OR56A1: variants seen among roughly 807,000 people sequenced by gnomAD.
The protein encoded by OR56A1 is olfactory receptor 56A1.
For missense variants in OR56A1, 360 were observed against 380.9 expected, an observed-to-expected ratio of 0.94 and a Z score of 0.46; for synonymous variants, 174 against 159.1, an observed-to-expected ratio of 1.09 and a Z score of -0.70.
chr11:6,028,307 A>C (rs1245251108), intron 1 of OR56A1, among the ~76,000 whole-genome samples: 1 of 152,000 alleles, frequency 6.6e-6, no homozygotes, highest in Admixed American at 6.6e-5. Context: ...AACTGAAAAA[A>C]AAAAAAGGAA....
At position 6,025,346 on chromosome 11, in the gene OR56A1, T is replaced by C. The variant is rs1034143171; in HGVS notation, c.*1402A>G. 6.6e-5 allele frequency: 10 copies of C among 152,278 alleles called. No homozygotes were observed. Among genetic ancestry groups the C allele is most frequent in the African/African-American group, 2.2e-4 (9 of 41,474 alleles). The allele number at this position is 152,278 out of a possible 1,614,324, so 9.4% of individuals were successfully genotyped here. A position where few individuals can be genotyped will look rare whatever the true frequency, so the allele number is the denominator to read the frequency against. On this transcript the variant is annotated 3_prime_UTR_variant, in exon 2 of 2. Coordinates refer to ENST00000641900, the MANE Select transcript of OR56A1 (RefSeq NM_001388488.1). The stretch of plus-strand genomic sequence containing the variant: ...GGGAGTCAAACCCTTCTTTGCCAGC[T>C]GTCTCTCTCTGAGTTTCTACCTACA...
chr11:6,026,811 C>G lies in OR56A1; in HGVS notation c.882G>C (p.Val294=), dbSNP rs563591322. ...HLIPPALNPI[V]YGVRTKEIKQ... is the part of the protein sequence containing the mutation. ...TTATCTCTTTGGTCCGAACCCCATACACAATAGGGTTCAATGCAGGAGGAA... is the reference window on the plus strand; with the variant it reads ...TTATCTCTTTGGTCCGAACCCCATAGACAATAGGGTTCAATGCAGGAGGAA... The change falls in exon 2 of 2, where the codon GTG becomes GTC. Residue 294 remains valine (V), a synonymous_variant. Coordinates refer to ENST00000641900, the MANE Select transcript of OR56A1 (RefSeq NM_001388488.1). 1.3e-5 allele frequency: 21 copies of G among 1,613,746 alleles called. No individual in the cohort carries two copies. In the East Asian group the frequency reaches 4.2e-4, roughly 33 times the overall value.
At chr11:6,033,135 A>G (rs1403071620), upstream of OR56A1, among the ~76,000 whole-genome samples, 1 of 152,076 alleles carries the variant, frequency 6.6e-6, no homozygotes, top group Non-Finnish European at 1.5e-5. Flanking sequence ...TCAAAGCTCT[A>G]CTGCCTGAAT....
chr11:6,021,060 G>A lies in OR56A1; in HGVS notation c.*5688C>T, dbSNP rs1249299469. The A allele has an allele frequency of 6.6e-6, 1 of 152,006 alleles. No homozygotes were observed. Among genetic ancestry groups the A allele is most frequent in the Non-Finnish European group, 1.5e-5 (1 of 67,950 alleles). 9.4% of individuals were successfully genotyped at this position (152,006 alleles called of 1,614,324 possible). On this transcript the variant is annotated 3_prime_UTR_variant, in exon 2 of 2. Coordinates refer to ENST00000641900, the MANE Select transcript of OR56A1 (RefSeq NM_001388488.1). Reference sequence around the variant, plus strand: ...ACAGCCTTAAAATAAACATCATTAAGTAGAAAAAGAGTGGCATGGAGAAAG... The same window carrying A: ...ACAGCCTTAAAATAAACATCATTAAATAGAAAAAGAGTGGCATGGAGAAAG...
rs1374612013 is a variant in OR56A1, at chr11:6,026,167, T to G, written c.*581A>C. 6.5e-6 allele frequency: 1 copy of G among 152,938 alleles called. No homozygotes were observed. Among genetic ancestry groups the G allele is most frequent in the African/African-American group, 2.4e-5 (1 of 41,454 alleles). The allele number at this position is 152,938 out of a possible 1,614,324, so 9.5% of individuals were successfully genotyped here. ...ATAGGATAGAATAGAAAGCTGACAT[T>G]GCTTTATATTGTTATAAAGTTCTTT... On this transcript the variant is annotated 3_prime_UTR_variant, in exon 2 of 2. Transcript: ENST00000641900.
In OR56A1 at chr11:6,021,576, A is replaced by G. The variant is rs1281660683; in HGVS notation, c.*5172T>C. ...TAAAGTACTGATACTAATATTTTAT[A>G]AGTAGAAAGTAGGTTCAAATGCAGT... On this transcript the variant is annotated 3_prime_UTR_variant, in exon 2 of 2. Transcript: ENST00000641900. 2 of 152,132 alleles carry G rather than the reference A, an allele frequency of 1.3e-5. No individual in the cohort carries two copies. Among genetic ancestry groups the G allele is most frequent in the African/African-American group, 4.8e-5 (2 of 41,442 alleles). 9.4% of individuals were successfully genotyped at this position (152,132 alleles called of 1,614,324 possible).
chr11:6,022,685 T>C lies in OR56A1; in HGVS notation c.*4063A>G, dbSNP rs879681850. 1 of 152,144 alleles carries C rather than the reference T, an allele frequency of 6.6e-6. No homozygotes were observed. Among genetic ancestry groups the C allele is most frequent in the Non-Finnish European group, 1.5e-5 (1 of 68,002 alleles). 9.4% of individuals were successfully genotyped at this position (152,144 alleles called of 1,614,324 possible). A position where few individuals can be genotyped will look rare whatever the true frequency, so the allele number is the denominator to read the frequency against. The stretch of plus-strand genomic sequence containing the variant: ...CTATTGATTAAATGACTATGTATAA[T>C]TTATCATTTTGCTCAGTTGCCTCAT... On this transcript the variant is annotated 3_prime_UTR_variant, in exon 2 of 2. Coordinates refer to ENST00000641900, the MANE Select transcript of OR56A1 (RefSeq NM_001388488.1).
upstream of OR56A1, among the ~76,000 whole-genome samples, chr11:6,030,994 G>A (rs191832793): frequency 1.1e-4 from 16 of 152,266 alleles, no homozygotes; most frequent in Non-Finnish European, 1.8e-4. Context: ...AGAATAATAG[G>A]AAGGCACAAA....
chr11:6,032,098 C>T (rs1399973449), upstream of OR56A1, among the ~76,000 whole-genome samples: 1 of 151,984 alleles, frequency 6.6e-6, no homozygotes, highest in Non-Finnish European at 1.5e-5. Context: ...GTAACCTGGC[C>T]AAGAGAGATT....
chr11:6,031,534 G>C (rs768969630), upstream of OR56A1, among the ~76,000 whole-genome samples: 83 of 152,146 alleles, frequency 5.5e-4, 2 homozygotes, highest in Non-Finnish European at 8.8e-5. Flanking sequence ...AGGATGGGAA[G>C]AAGGTGAATC....
At position 6,024,738 on chromosome 11, in the gene OR56A1, T is replaced by G. The variant is rs775362066; in HGVS notation, c.*2010A>C. On this transcript the variant is annotated 3_prime_UTR_variant, in exon 2 of 2. Transcript: ENST00000641900. ...AGAAAATCAGTGGTGAAGTTGGCCT[T>G]TATATCATCTAAGGGACAATAGGAA... 5.3e-5 allele frequency: 8 copies of G among 152,174 alleles called. No individual in the cohort carries two copies. Among genetic ancestry groups the G allele is most frequent in the Non-Finnish European group, 1.2e-4 (8 of 68,034 alleles). 9.4% of individuals were successfully genotyped at this position (152,174 alleles called of 1,614,324 possible).
upstream of OR56A1, among the ~76,000 whole-genome samples, chr11:6,033,304 C>T (rs1848529987): frequency 6.6e-6 from 1 of 151,616 alleles, no homozygotes; most frequent in South Asian, 2.1e-4. Context: ...CCTAGATGTT[C>T]CAGCAAGTGG....
chr11:6,027,090 G>T lies in OR56A1; in HGVS notation c.603C>A (p.Tyr201Ter). The change falls in exon 2 of 2, where the codon TAC (tyrosine) becomes TAA (stop). Residue 201 changes from tyrosine (Y) to a stop codon, truncating the protein, a stop_gained. Transcript: ENST00000641900. LOFTEE classifies it low-confidence loss of function (END_TRUNC). Reference sequence around the variant, plus strand: ...GCAAGGTCCAACCAGCCACAAATTGGTAGATTCTGTTAAGGGTGAAATTAT... The same window carrying T: ...GCAAGGTCCAACCAGCCACAAATTGTTAGATTCTGTTAAGGGTGAAATTAT... The part of the protein sequence containing the change: ...SCDNFTLNRI[Y>*]QFVAGWTLLG... The T allele has an allele frequency of 6.2e-7, 1 of 1,614,178 alleles. No individual in the cohort carries two copies. The highest frequency in any genetic ancestry group is 8.5e-7 in the Non-Finnish European group (1 of 1,180,002).
At chr11:6,028,231 T>G (rs1209360773) in intron 1 of OR56A1, among the ~76,000 whole-genome samples, 2 of 151,608 alleles carry the variant, frequency 1.3e-5, no homozygotes, top group African/African-American at 4.8e-5. Flanking sequence ...AAAACTTCAA[T>G]CTATATGAAT....
intron 1 of OR56A1, among the ~76,000 whole-genome samples, chr11:6,028,752 A>AAT (rs1358576925): frequency 6.6e-6 from 1 of 152,190 alleles, no homozygotes; most frequent in Non-Finnish European, 1.5e-5. Context: ...ATAAAAATAG[A>AAT]ACTACCCTTA....
rs1848458955 is a variant in OR56A1, at chr11:6,027,173, C to A, written c.520G>T (p.Glu174Ter). 1 of 1,614,184 alleles carries A rather than the reference C, an allele frequency of 6.2e-7. No homozygotes were observed. The highest frequency in any genetic ancestry group is 2.2e-5 in the East Asian group (1 of 44,884). The change falls in exon 2 of 2, where the codon GAA becomes TAA. Residue 174 changes from glutamate (E) to a stop codon, truncating the protein, a stop_gained. Transcript: ENST00000641900. LOFTEE classifies it low-confidence loss of function (END_TRUNC). ...ILTSLLHYCG[E>*]NVIENCICAN... ...CAGATGCAGTTCTCAATGACATTTT[C>A]CCCACAGTAATGGAGCAGGGAAGTG...
rs1175179131 is a variant in OR56A1 at position 6,022,591 on chromosome 11, T to C, written c.*4157A>G. 6.6e-6 allele frequency: 1 copy of C among 152,166 alleles called. No homozygotes were observed. The highest frequency in any genetic ancestry group is 2.4e-5 in the African/African-American group (1 of 41,436). 9.4% of individuals were successfully genotyped at this position (152,166 alleles called of 1,614,324 possible). ...AAGATTAAAAATATACCTCAATCCC[T>C]AGACTCTGAAGAAGCAAAAATGGGT... On this transcript the variant is annotated 3_prime_UTR_variant, in exon 2 of 2. Transcript: ENST00000641900.
rs1039821601 is a variant in OR56A1, at chr11:6,026,416, T to C, written c.*332A>G. On this transcript the variant is annotated 3_prime_UTR_variant, in exon 2 of 2. Transcript: ENST00000641900. ...GGTTTTATTGTTTTTGCTTCCCACATATGTGATCTTTGGTCATTTCCCTTC... is the reference window on the plus strand; with the variant it reads ...GGTTTTATTGTTTTTGCTTCCCACACATGTGATCTTTGGTCATTTCCCTTC... The C allele has an allele frequency of 4.4e-6, 1 of 228,864 alleles. No individual in the cohort carries two copies. Among genetic ancestry groups the C allele is most frequent in the African/African-American group, 2.3e-5 (1 of 44,248 alleles). The allele number at this position is 228,864 out of a possible 1,614,324, so 14.2% of individuals were successfully genotyped here. A position where few individuals can be genotyped will look rare whatever the true frequency, so the allele number is the denominator to read the frequency against.
At chr11:6,028,657 G>A (rs1014827964) in intron 1 of OR56A1, among the ~76,000 whole-genome samples, 1 of 152,108 alleles carries the variant, frequency 6.6e-6, no homozygotes, top group Admixed American at 6.5e-5. Context: ...ATGCCAACAT[G>A]TATAAGGGAA....
Sources: gnomAD v4.1 joint callset for allele counts (sites outside exome capture counted in the v4.1 genomes callset) on GRCh38, gnomAD v4.1.1 for gene constraint, MANE v1.5 for transcripts, NCBI Gene and HGNC (gene_info 2026-07-23, HGNC 2026-07-21) for gene names.